The following RARB variants were observed in gnomAD, a reference collection of about 807,000 sequenced individuals.
The protein encoded by RARB is HBV-activated protein.
Under a neutral mutation model 51.9 loss-of-function variants are expected in RARB, and 17 were observed. That is an observed-to-expected ratio of 0.33 (90% CI 0.22 to 0.49). The LOEUF is 0.49. Ranked by LOEUF, RARB falls within the 20% of genes least tolerant of loss-of-function variation. The probability of loss-of-function intolerance (pLI) is 0.99; values close to 1 mark genes in which losing one functional copy is unlikely to be tolerated. For missense variants in RARB, 369 were observed against 550.8 expected (o/e 0.67, Z 3.30); for synonymous variants, 215 against 195.4 (o/e 1.10, Z -0.84).
intron 2 of RARB, among the ~76,000 whole-genome samples, chr3:25,477,623 TTATG>T (rs1465119981): frequency 6.6e-6 from 1 of 152,190 alleles, no homozygotes; most frequent in Non-Finnish European, 1.5e-5. Flanking sequence ...AACAGCTCTA[TTATG>T]TAAGTAAGAC....
chr3:25,072,417 T>C (rs979333134), intron 3 of RARB, among the ~76,000 whole-genome samples: 1 of 152,122 alleles, frequency 6.6e-6, no homozygotes, highest in African/African-American at 2.4e-5. Context: ...AACCAGTCAC[T>C]GTGATGTGAG....
At chr3:25,416,283 C>T (rs1032521825) in intron 5 of RARB, among the ~76,000 whole-genome samples, 43 of 152,068 alleles carry the variant, frequency 2.8e-4, no homozygotes, top group African/African-American at 8.5e-4. Context: ...CAGCTACTTA[C>T]GGGGTTGAGG....
chr3:25,015,102 C>G (rs1697480205), intron 2 of RARB, among the ~76,000 whole-genome samples: 1 of 152,100 alleles, frequency 6.6e-6, no homozygotes, highest in Non-Finnish European at 1.5e-5. Flanking sequence ...CTTTGAGTGT[C>G]TGTGTATAAG....
chr3:25,016,566 G>C (rs114401541), intron 2 of RARB, among the ~76,000 whole-genome samples: 1 of 152,168 alleles, frequency 6.6e-6, no homozygotes, highest in Non-Finnish European at 1.5e-5. Flanking sequence ...TGTCACACTT[G>C]TGATTTGCAG....
chr3:25,214,760 T>G (rs1324843409), intron 5 of RARB, among the ~76,000 whole-genome samples: 1 of 152,242 alleles, frequency 6.6e-6, no homozygotes, highest in East Asian at 1.9e-4. Context: ...GCTTCCCATC[T>G]TTGAGATAAC....
intron 4 of RARB, among the ~76,000 whole-genome samples, chr3:25,572,758 C>T (rs1487657109): frequency 1.3e-5 from 2 of 152,096 alleles, no homozygotes; most frequent in South Asian, 2.1e-4. Flanking sequence ...ATGAGGTGAG[C>T]GACTTTATAT....
chr3:24,972,921 A>G (rs1479507527), intron 2 of RARB, among the ~76,000 whole-genome samples: 1 of 151,834 alleles, frequency 6.6e-6, no homozygotes, highest in Non-Finnish European at 1.5e-5. Flanking sequence ...CTCTCATTCA[A>G]TATGTTGTCT....
At chr3:24,911,067 G>A (rs1218005109) in intron 2 of RARB, among the ~76,000 whole-genome samples, 4 of 152,278 alleles carry the variant, frequency 2.6e-5, no homozygotes, top group African/African-American at 9.6e-5. Flanking sequence ...TTTATTTTAT[G>A]ACACCTCTGC....
intron 4 of RARB, among the ~76,000 whole-genome samples, chr3:25,135,706 G>A (rs898058046): frequency 1.3e-5 from 2 of 151,914 alleles, no homozygotes; most frequent in African/African-American, 4.8e-5. Flanking sequence ...AGCAAGTAGT[G>A]CATTAAGTCA....
chr3:25,462,738 G>A (rs867782378), intron 2 of RARB, among the ~76,000 whole-genome samples: 1 of 152,206 alleles, frequency 6.6e-6, no homozygotes, highest in African/African-American at 2.4e-5. Context: ...GCAGTTGTAG[G>A]TTAGCTAGTT....
intron 2 of RARB, among the ~76,000 whole-genome samples, chr3:24,950,037 A>G (rs963597881): frequency 1.3e-5 from 2 of 152,222 alleles, no homozygotes; most frequent in African/African-American, 4.8e-5. Flanking sequence ...TGCCATTGAA[A>G]TGTTAATGTA....
intron 5 of RARB, among the ~76,000 whole-genome samples, chr3:25,281,608 T>C (rs1703524747): frequency 6.6e-6 from 1 of 152,174 alleles, no homozygotes; most frequent in Non-Finnish European, 1.5e-5. Context: ...GGGCTAACAA[T>C]AGCAGATTAG....
At chr3:25,208,608 T>G (rs1701618424) in intron 5 of RARB, among the ~76,000 whole-genome samples, 1 of 151,734 alleles carries the variant, frequency 6.6e-6, no homozygotes, top group African/African-American at 2.4e-5. Flanking sequence ...TTGTCTATTC[T>G]TTTTTTTTCT....
At chr3:25,342,829 A>T (rs1305554733) in intron 5 of RARB, among the ~76,000 whole-genome samples, 1 of 152,098 alleles carries the variant, frequency 6.6e-6, no homozygotes, top group Non-Finnish European at 1.5e-5. Flanking sequence ...GCTTAATCTC[A>T]TCTGAAGTAC....
intron 5 of RARB, among the ~76,000 whole-genome samples, chr3:25,349,099 C>T (rs777726810): frequency 1.3e-4 from 20 of 152,172 alleles, no homozygotes; most frequent in Admixed American, 3.3e-4. Flanking sequence ...CTTCCATCCA[C>T]TCCACACTAT....
chr3:25,464,826 A>C (rs2125559959), intron 2 of RARB, among the ~76,000 whole-genome samples: 1 of 152,288 alleles, frequency 6.6e-6, no homozygotes, highest in African/African-American at 2.4e-5. Context: ...TGTTTCAGAA[A>C]AATGGAATTT....
At chr3:25,462,786 G>C (rs2125557402) in intron 2 of RARB, among the ~76,000 whole-genome samples, 1 of 152,302 alleles carries the variant, frequency 6.6e-6, no homozygotes, top group South Asian at 2.1e-4. Context: ...GGGCTGGGGA[G>C]ACTCAGCTCT....
chr3:25,120,147 C>CTA (rs1344146123), intron 3 of RARB, among the ~76,000 whole-genome samples: 1 of 152,114 alleles, frequency 6.6e-6, no homozygotes, highest in East Asian at 1.9e-4. Context: ...ATTCTTAATA[C>CTA]TATATCAGGG....
At chr3:24,891,480 G>T (rs1703376856) in intron 2 of RARB, among the ~76,000 whole-genome samples, 1 of 152,190 alleles carries the variant, frequency 6.6e-6, no homozygotes, top group Admixed American at 6.5e-5. Flanking sequence ...CACATCTGAA[G>T]TGCTATTAAG....
Sources: gnomAD v4.1 joint callset for allele counts (sites outside exome capture counted in the v4.1 genomes callset) on GRCh38, gnomAD v4.1.1 for gene constraint, MANE v1.5 for transcripts, NCBI Gene and HGNC (gene_info 2026-07-23, HGNC 2026-07-21) for gene names.